The following AMZ2 variants were observed in gnomAD, a reference collection of about 807,000 sequenced individuals.
AMZ2 encodes archaelysin family metallopeptidase 2.
In AMZ2, 26 loss-of-function variants were observed where a neutral mutation model predicts 36.7. The observed-to-expected ratio is 0.71, with a 90% CI of 0.52 to 0.98. AMZ2 has a LOEUF of 0.98. Among genes scored for constraint, AMZ2 ranks in the 50% least tolerant of loss-of-function variants. AMZ2 has a pLI of 0.00. For missense variants in AMZ2, 394 were observed against 430.5 expected (o/e 0.92, Z 0.75); for synonymous variants, 144 against 149.1 (o/e 0.97, Z 0.25).
chr17:68,221,036 G>T (rs1267775766), intron 1 of AMZ2, among the ~76,000 whole-genome samples: 1 of 151,892 alleles, frequency 6.6e-6, no homozygotes, highest in African/African-American at 2.4e-5. Context: ...CACCCGCCTC[G>T]GCCCCGCAAA....
At chr17:68,222,935 C>G (rs1370399968) in intron 1 of AMZ2, among the ~76,000 whole-genome samples, 2 of 151,866 alleles carry the variant, frequency 1.3e-5, no homozygotes, top group Non-Finnish European at 2.9e-5. Context: ...AACTGACTTC[C>G]TAGAGTCAGG....
chr17:68,244,890 G>C (rs541211071), upstream of AMZ2, among the ~76,000 whole-genome samples: 1 of 152,174 alleles, frequency 6.6e-6, no homozygotes, highest in East Asian at 1.9e-4. Flanking sequence ...GGACCATTCG[G>C]GTTATATGGT....
At chr17:68,211,750 A>G (rs1455836890) in intron 1 of AMZ2, among the ~76,000 whole-genome samples, 1 of 146,420 alleles carries the variant, frequency 6.8e-6, no homozygotes. Context: ...GTATATGTAT[A>G]TATGTATATG....
intron 1 of AMZ2, among the ~76,000 whole-genome samples, chr17:68,217,072 A>G (rs1189782614): frequency 6.6e-6 from 1 of 152,118 alleles, no homozygotes; most frequent in Non-Finnish European, 1.5e-5. Flanking sequence ...TTTGAAATAA[A>G]GGCGTTTTAA....
chr17:68,229,434 G>C (rs1159641332), intron 1 of AMZ2, among the ~76,000 whole-genome samples: 1 of 152,200 alleles, frequency 6.6e-6, no homozygotes, highest in Admixed American at 6.5e-5. Context: ...GCATGTCCTT[G>C]CTTTCGACCC....
At chr17:68,221,209 T>TCCCCCCCCCCCCCCCCCCCCCCC (rs55937321) in intron 1 of AMZ2, among the ~76,000 whole-genome samples, 4 of 66,776 alleles carry the variant, frequency 6.0e-5, no homozygotes. Flanking sequence ...AGCCCTCAGC[T>TCCCCCCCCCCCCCCCCCCCCCCC]CCCCCCCCCG....
chr17:68,226,670 A>C (rs2073524488), intron 1 of AMZ2, among the ~76,000 whole-genome samples: 1 of 152,160 alleles, frequency 6.6e-6, no homozygotes, highest in Non-Finnish European at 1.5e-5. Context: ...GGCATCATGC[A>C]TGTGTTTGGA....
In AMZ2 at chr17:68,227,814, C is replaced by T. The variant is rs535204232; in HGVS notation, c.-66-20826C>T. 2.6e-5 allele frequency among the ~76,000 whole-genome samples: 4 copies of T among 152,256 alleles called. No homozygotes were observed. The East Asian group carries it at 5.8e-4, about 22-fold the overall frequency. On this transcript the variant is annotated intron_variant, in intron 1 of 7. Coordinates refer to the AMZ2 transcript ENST00000674770. ...GCCAGGAATTGAAGATTATGCTGGG[C>T]AACATAGTAAGACCCCGTCTCTACA... is the stretch of plus-strand genomic sequence containing the variant.
intron 1 of AMZ2, among the ~76,000 whole-genome samples, chr17:68,224,797 C>T (rs1393903425): frequency 1.3e-5 from 2 of 151,984 alleles, no homozygotes; most frequent in African/African-American, 4.8e-5. Flanking sequence ...TTTTTCACTC[C>T]CTTTTTTTTG....
At chr17:68,221,064 G>A (rs1380665859) in intron 1 of AMZ2, among the ~76,000 whole-genome samples, 2 of 152,002 alleles carry the variant, frequency 1.3e-5, no homozygotes, top group Admixed American at 1.3e-4. Context: ...GATTACAGGC[G>A]TGAGCCACTG....
intron 6 of AMZ2, among the ~76,000 whole-genome samples, chr17:68,256,193 C>T (rs2074891282): frequency 6.6e-6 from 1 of 152,098 alleles, no homozygotes; most frequent in Admixed American, 6.6e-5. Context: ...ATTTTTTAAA[C>T]CCTATAAGTG....
chr17:68,229,326 T>C (rs2061967099), intron 1 of AMZ2, among the ~76,000 whole-genome samples: 1 of 152,034 alleles, frequency 6.6e-6, no homozygotes, highest in Admixed American at 6.5e-5. Flanking sequence ...CCCGGGTGCC[T>C]GTCCCCACAC....
intron 1 of AMZ2, chr17:68,249,559 A>G (rs1256384757): frequency 6.6e-6 from 1 of 152,306 alleles, no homozygotes; most frequent in Non-Finnish European, 1.5e-5. Flanking sequence ...TTGGCCTCCC[A>G]AAGTGCTGGG....
At chr17:68,253,367 T>C (rs2074635714) in intron 4 of AMZ2, among the ~76,000 whole-genome samples, 1 of 152,274 alleles carries the variant, frequency 6.6e-6, no homozygotes, top group South Asian at 2.1e-4. Context: ...GAGACATAAA[T>C]AAAAGTGATC....
At chr17:68,246,043 C>A (rs1171628251), upstream of AMZ2, among the ~76,000 whole-genome samples, 1 of 152,012 alleles carries the variant, frequency 6.6e-6, no homozygotes, top group Admixed American at 6.6e-5. Flanking sequence ...CGGTGGCTCA[C>A]GCCTGTAATC....
chr17:68,216,346 C>G (rs1231356134), intron 1 of AMZ2, among the ~76,000 whole-genome samples: 1 of 152,136 alleles, frequency 6.6e-6, no homozygotes, highest in Admixed American at 6.6e-5. Context: ...GTTGGCCAGG[C>G]TGGTCTCGAA....
At chr17:68,245,898 T>C (rs1217314099), upstream of AMZ2, among the ~76,000 whole-genome samples, 4 of 152,094 alleles carry the variant, frequency 2.6e-5, no homozygotes, top group Admixed American at 1.3e-4. Context: ...GATGAGGCTA[T>C]AGAAGAGGTG....
At chr17:68,209,219 A>C (rs2072940541) in intron 1 of AMZ2, among the ~76,000 whole-genome samples, 1 of 144,052 alleles carries the variant, frequency 6.9e-6, no homozygotes, top group South Asian at 2.1e-4. Context: ...TTTTTGATGG[A>C]GTCTTGCTCT....
intron 1 of AMZ2, among the ~76,000 whole-genome samples, chr17:68,231,095 C>T (rs114357982): frequency 1.3e-5 from 2 of 150,952 alleles, no homozygotes; most frequent in Non-Finnish European, 2.9e-5. Flanking sequence ...ACCGGGTCTC[C>T]CTTTGTCGTC....
Sources: allele counts gnomAD v4.1 joint callset (sites outside exome capture counted in the v4.1 genomes callset), GRCh38; gene constraint gnomAD v4.1.1; transcripts MANE v1.5; gene names NCBI Gene and HGNC (gene_info 2026-07-23, HGNC 2026-07-21).